GLCCI1: variants seen among roughly 807,000 people sequenced by gnomAD.
The protein encoded by GLCCI1 is glucocorticoid induced 1, also known as glucocorticoid-induced transcript 1 protein.
A neutral mutation model predicts 52.2 loss-of-function variants in GLCCI1; 24 were observed. The observed-to-expected ratio is 0.46, with a 90% CI of 0.33 to 0.65. The LOEUF (loss-of-function observed/expected upper bound fraction) is 0.65, where lower values mean the gene tolerates loss of function less well. Among genes scored for constraint, GLCCI1 ranks in the 30% least tolerant of loss-of-function variants. The pLI, the probability that GLCCI1 is intolerant of heterozygous loss-of-function variation, is 0.02. For synonymous variants in GLCCI1, 310 were observed against 276.5 expected (o/e 1.12, Z -1.20); for missense variants, 704 against 701.5 (o/e 1.00, Z -0.04).
intron 2 of GLCCI1, among the ~76,000 whole-genome samples, chr7:8,011,155 G>C (rs925725504): frequency 6.6e-6 from 1 of 152,008 alleles, no homozygotes; most frequent in African/African-American, 2.4e-5. Flanking sequence ...TTTACCATGA[G>C]TGAAAATGAA....
At chr7:8,048,080 A>G (rs1163556476) in intron 3 of GLCCI1, among the ~76,000 whole-genome samples, 2 of 152,176 alleles carry the variant, frequency 1.3e-5, no homozygotes, top group Non-Finnish European at 2.9e-5. Context: ...GGAAAAGGAA[A>G]TGGAATAGAA....
At chr7:7,990,666 G>C (rs1023890230) in intron 1 of GLCCI1, among the ~76,000 whole-genome samples, 3 of 152,010 alleles carry the variant, frequency 2.0e-5, no homozygotes, top group African/African-American at 7.2e-5. Context: ...TGTGATTTCT[G>C]TAAGACATTT....
In GLCCI1 at chr7:8,006,186, A is replaced by T. The variant is rs1583965017; in HGVS notation, c.609+2127A>T. On this transcript the variant is annotated intron_variant, in intron 2 of 7. Transcript: ENST00000223145. Reference sequence around the variant, plus strand: ...GCGAAAGGCTAAGTGAAAAACTGGAATAGTGAAGCCTTAGAAGTCAGAGGA... The same window carrying T: ...GCGAAAGGCTAAGTGAAAAACTGGATTAGTGAAGCCTTAGAAGTCAGAGGA... 2.0e-5 allele frequency among the ~76,000 whole-genome samples: 3 copies of T among 152,232 alleles called. No homozygotes were observed. The East Asian group carries it at 5.8e-4, about 29-fold the overall frequency.
intron 6 of GLCCI1, among the ~76,000 whole-genome samples, chr7:8,081,522 C>G (rs994602905): frequency 6.6e-6 from 1 of 151,966 alleles, no homozygotes; most frequent in Non-Finnish European, 1.5e-5. Context: ...TCACTGTCAC[C>G]CAGGCTGAAG....
chr7:8,039,518 TAAATG>T (rs934648858), intron 3 of GLCCI1, among the ~76,000 whole-genome samples: 7 of 152,310 alleles, frequency 4.6e-5, no homozygotes, highest in African/African-American at 1.2e-4. Context: ...GGCATTATCT[TAAATG>T]AAATAACTCA....
intron 2 of GLCCI1, among the ~76,000 whole-genome samples, chr7:8,010,923 AT>A (rs35809162): frequency 0.44 from 65,530 of 150,068 alleles, 14,472 homozygotes; most frequent in Middle Eastern, 0.53. Context: ...TCCCTACCTC[AT>A]TTTTTTTTTC....
At chr7:7,986,689 A>C (rs1780740389) in intron 1 of GLCCI1, among the ~76,000 whole-genome samples, 1 of 152,226 alleles carries the variant, frequency 6.6e-6, no homozygotes, top group African/African-American at 2.4e-5. Flanking sequence ...TGAAGGTAAG[A>C]GTATTGAATG....
chr7:8,060,161 G>C lies in GLCCI1; in HGVS notation c.879G>C (p.Ser293=). ...TATCAGTGCCAAAATCATCTGTTTC[G>C]CGTGTGCCCTGCAATGTAGAAGGAA... ...SNISVPKSSV[S]RVPCNVEGIS... The change falls in exon 5 of 8, where the codon TCG becomes TCC. Residue 293 remains serine (S), a synonymous_variant. Transcript: ENST00000223145. 2 of 1,613,414 alleles carry C rather than the reference G, an allele frequency of 1.2e-6. No homozygotes were observed. The highest frequency in any genetic ancestry group is 1.7e-6 in the Non-Finnish European group (2 of 1,179,526).
At chr7:8,043,331 TA>T (rs59268355) in intron 3 of GLCCI1, among the ~76,000 whole-genome samples, 341 of 142,468 alleles carry the variant, frequency 2.4e-3, no homozygotes, top group Non-Finnish European at 2.4e-3. Context: ...AATGCTGTGG[TA>T]AAAAAAAAAA....
At chr7:8,078,002 A>G (rs1278163134) in intron 6 of GLCCI1, among the ~76,000 whole-genome samples, 1 of 152,098 alleles carries the variant, frequency 6.6e-6, no homozygotes, top group East Asian at 1.9e-4. Flanking sequence ...TGGGAGGCCA[A>G]GGCAGGCGGA....
intron 1 of GLCCI1, among the ~76,000 whole-genome samples, chr7:7,977,022 T>G (rs1780487605): frequency 6.6e-6 from 1 of 152,118 alleles, no homozygotes; most frequent in Admixed American, 6.5e-5. Context: ...TTACTGAAGA[T>G]CAAATACTTA....
At chr7:8,049,720 G>T (rs1432045647) in intron 3 of GLCCI1, among the ~76,000 whole-genome samples, 2 of 152,176 alleles carry the variant, frequency 1.3e-5, no homozygotes, top group African/African-American at 4.8e-5. Flanking sequence ...GTGGTTGGTT[G>T]AAATTATGAG....
At chr7:8,064,638 A>G (rs1008291884) in intron 5 of GLCCI1, among the ~76,000 whole-genome samples, 1 of 152,182 alleles carries the variant, frequency 6.6e-6, no homozygotes, top group Non-Finnish European at 1.5e-5. Context: ...TCTGTGAGGA[A>G]CATCATTGGA....
Position 7,973,156 on chromosome 7 carries a change from C to G in GLCCI1, c.457+3349C>G, listed in dbSNP as rs141504246. Among the ~76,000 whole-genome samples, 157 of 152,080 alleles carry G rather than the reference C, an allele frequency of 1.0e-3. 1 individual carries two copies. The highest frequency in any genetic ancestry group is 3.5e-3 in the African/African-American group (146 of 41,466). Reference sequence around the variant, plus strand: ...AGACGTAAAATCATAAAGTATTATGCAAATAGTTATTTTTTTGTAATGGTA... The same window carrying G: ...AGACGTAAAATCATAAAGTATTATGGAAATAGTTATTTTTTTGTAATGGTA... On this transcript the variant is annotated intron_variant, in intron 1 of 7. Coordinates refer to ENST00000223145, the MANE Select transcript of GLCCI1 (RefSeq NM_138426.4).
intron 3 of GLCCI1, among the ~76,000 whole-genome samples, chr7:8,037,248 T>G (rs554742604): frequency 6.6e-5 from 10 of 152,244 alleles, no homozygotes; most frequent in African/African-American, 2.2e-4. Context: ...TCAGACTTCT[T>G]AAAAGAAAAA....
chr7:8,063,222 C>T (rs1782554689), intron 5 of GLCCI1, among the ~76,000 whole-genome samples: 1 of 152,146 alleles, frequency 6.6e-6, no homozygotes. Context: ...ACTGCAACTT[C>T]TGCCTCCCAG....
intron 3 of GLCCI1, among the ~76,000 whole-genome samples, chr7:8,029,651 A>G (rs1781701457): frequency 6.6e-6 from 1 of 151,854 alleles, no homozygotes; most frequent in Non-Finnish European, 1.5e-5. Flanking sequence ...ATATAATCTT[A>G]TATCTGGAAA....
At chr7:7,974,328 G>A (rs941552246) in intron 1 of GLCCI1, among the ~76,000 whole-genome samples, 13 of 152,220 alleles carry the variant, frequency 8.5e-5, no homozygotes, top group East Asian at 3.9e-4. Context: ...TATTGTAAGC[G>A]TATTGAATAT....
In GLCCI1 at chr7:8,088,687, A is replaced by G. The variant is rs1783171468; in HGVS notation, c.*2149A>G. ...TATCAATTTCAGAAAAATGGACTGA[A>G]TATGCTTTTTTGGTGATGAAATCTC... is the stretch of plus-strand genomic sequence containing the variant. On this transcript the variant is annotated 3_prime_UTR_variant, in exon 8 of 8. Transcript: ENST00000223145. 1 of 152,608 alleles carries G rather than the reference A, an allele frequency of 6.6e-6. No individual in the cohort carries two copies. Among genetic ancestry groups the G allele is most frequent in the Non-Finnish European group, 1.5e-5 (1 of 68,034 alleles). 9.5% of individuals were successfully genotyped at this position (152,608 alleles called of 1,614,324 possible).
Sources: allele counts gnomAD v4.1 joint callset (sites outside exome capture counted in the v4.1 genomes callset), GRCh38; gene constraint gnomAD v4.1.1; transcripts MANE v1.5; gene names NCBI Gene and HGNC (gene_info 2026-07-23, HGNC 2026-07-21).